The following STAG1 variants were observed in gnomAD, a reference collection of about 807,000 sequenced individuals.
The protein encoded by STAG1 is STAG1 cohesin complex component, also known as cohesin subunit SA-1.
In STAG1, 26 loss-of-function variants were observed where a neutral mutation model predicts 170.9. That is an observed-to-expected ratio of 0.15 (90% confidence interval 0.11 to 0.21). The LOEUF is 0.21. Ranked by LOEUF, STAG1 falls within the 10% of genes least tolerant of loss-of-function variation. The probability of loss-of-function intolerance (pLI) is 1.00; values close to 1 mark genes in which losing one functional copy is unlikely to be tolerated. For synonymous variants in STAG1, 514 were observed against 497.7 expected (o/e 1.03, Z -0.44); for missense variants, 964 against 1,509.5 (o/e 0.64, Z 5.99).
At chr3:136,455,988 G>C (rs902864326) in intron 13 of STAG1, among the ~76,000 whole-genome samples, 4 of 152,016 alleles carry the variant, frequency 2.6e-5, no homozygotes, top group Non-Finnish European at 5.9e-5. Context: ...GCCAGACCAA[G>C]AAAAAAACAA....
chr3:136,607,376 G>A (rs1939009981), intron 3 of STAG1, among the ~76,000 whole-genome samples: 1 of 151,898 alleles, frequency 6.6e-6, no homozygotes, highest in Non-Finnish European at 1.5e-5. Context: ...TTTTATACTT[G>A]GGGTTCTAAT....
At chr3:136,620,262 C>T (rs1208755627) in intron 3 of STAG1, among the ~76,000 whole-genome samples, 2 of 152,076 alleles carry the variant, frequency 1.3e-5, no homozygotes, top group Non-Finnish European at 2.9e-5. Flanking sequence ...AGTATTACTA[C>T]AGCTAAACAA....
chr3:136,564,284 T>C (rs944146915), intron 5 of STAG1, among the ~76,000 whole-genome samples: 4 of 152,224 alleles, frequency 2.6e-5, no homozygotes, highest in African/African-American at 7.2e-5. Context: ...AGATAAGACA[T>C]AAATATAGAT....
intron 29 of STAG1, among the ~76,000 whole-genome samples, chr3:136,348,456 T>C (rs1307242343): frequency 6.6e-6 from 1 of 152,224 alleles, no homozygotes; most frequent in Non-Finnish European, 1.5e-5. Context: ...TCGCCCAGGC[T>C]GGAGTGCAGT....
At chr3:136,530,782 TATAGAA>T (rs1171426196) in intron 6 of STAG1, among the ~76,000 whole-genome samples, 6 of 152,212 alleles carry the variant, frequency 3.9e-5, no homozygotes, top group African/African-American at 1.4e-4. Context: ...GATGAAAGTT[TATAGAA>T]ATAAACACCT....
At chr3:136,498,273 C>CATACA (rs1553733387) in intron 9 of STAG1, among the ~76,000 whole-genome samples, 1 of 44,412 alleles carries the variant, frequency 2.3e-5, no homozygotes, top group Non-Finnish European at 4.6e-5. Flanking sequence ...CACACACACA[C>CATACA]CACACACACA....
intron 25 of STAG1, among the ~76,000 whole-genome samples, chr3:136,363,797 C>T (rs1297255001): frequency 1.3e-5 from 2 of 152,170 alleles, no homozygotes; most frequent in Non-Finnish European, 2.9e-5. Context: ...GGGTCTCACT[C>T]AAGCTGGAGT....
chr3:136,587,977 C>CA (rs1394323856), intron 4 of STAG1, among the ~76,000 whole-genome samples: 1 of 151,842 alleles, frequency 6.6e-6, no homozygotes, highest in Non-Finnish European at 1.5e-5. Context: ...AAAAACAAAA[C>CA]AAAAAAATAG....
intron 13 of STAG1, among the ~76,000 whole-genome samples, chr3:136,462,421 T>C (rs2089299947): frequency 1.3e-5 from 2 of 152,164 alleles, no homozygotes; most frequent in Non-Finnish European, 2.9e-5. Flanking sequence ...TTATGTTAAG[T>C]GAATTAAGCC....
At chr3:136,635,164 C>G (rs1940503530) in intron 1 of STAG1, among the ~76,000 whole-genome samples, 1 of 152,136 alleles carries the variant, frequency 6.6e-6, no homozygotes, top group African/African-American at 2.4e-5. Flanking sequence ...CACAAAAACA[C>G]TACAAGAAAA....
chr3:136,744,135 C>A (rs13097321), intron 1 of STAG1, among the ~76,000 whole-genome samples: 1 of 152,190 alleles, frequency 6.6e-6, no homozygotes, highest in Non-Finnish European at 1.5e-5. Context: ...CTAGACCAGC[C>A]TGACCAACAT....
Position 136,349,223 on chromosome 3 carries a change from C to T in STAG1, c.3206G>A (p.Ser1069Asn). 4.3e-6 allele frequency: 7 copies of T among 1,614,122 alleles called. No homozygotes were observed. Among genetic ancestry groups the T allele is most frequent in the Non-Finnish European group, 5.1e-6 (6 of 1,180,004 alleles). ...ATTCCTTACTGATGAGGTTTTGCTGCTGCTACTTCCACTGTTCACAGACAT... is the reference window on the plus strand; with the variant it reads ...ATTCCTTACTGATGAGGTTTTGCTGTTGCTACTTCCACTGTTCACAGACAT... ...DRMSVNSGSS[S>N]SKTSSVRNKK... Residue 1069 changes from serine to asparagine, a missense_variant, in exon 29 of 34, where the codon AGC becomes AAC. This residue lies in a region of STAG1 where 149 missense variants were observed against 301.3 expected (regional missense o/e 0.49). Coordinates refer to ENST00000383202, the MANE Select transcript of STAG1 (RefSeq NM_005862.3).
chr3:136,468,534 A>G lies in STAG1; in HGVS notation c.1206-3546T>C, dbSNP rs192067054. On this transcript the variant is annotated intron_variant, in intron 12 of 33. Transcript: ENST00000383202. Reference sequence around the variant, plus strand: ...TACTTAATAGCCTACCAACCAAAAAAAGTCCAGGACCAGATGGATTCACAG... The same window carrying G: ...TACTTAATAGCCTACCAACCAAAAAGAGTCCAGGACCAGATGGATTCACAG... 6.8e-4 allele frequency among the ~76,000 whole-genome samples: 104 copies of G among 152,286 alleles called. 1 individual carries two copies. Among genetic ancestry groups the G allele is most frequent in the South Asian group, 4.6e-3 (22 of 4,826 alleles).
chr3:136,610,302 T>G (rs940429152), intron 3 of STAG1, among the ~76,000 whole-genome samples: 1 of 152,206 alleles, frequency 6.6e-6, no homozygotes, highest in Non-Finnish European at 1.5e-5. Context: ...TCCAAAGTGC[T>G]GGGATTACAG....
intron 1 of STAG1, among the ~76,000 whole-genome samples, chr3:136,688,357 T>A (rs1434443862): frequency 6.6e-6 from 1 of 152,026 alleles, no homozygotes; most frequent in Non-Finnish European, 1.5e-5. Flanking sequence ...CTACCAGGAG[T>A]GCACTAAGCA....
At chr3:136,621,476 A>AGAAT (rs1939845564) in intron 3 of STAG1, among the ~76,000 whole-genome samples, 1 of 152,232 alleles carries the variant, frequency 6.6e-6, no homozygotes, top group Admixed American at 6.5e-5. Flanking sequence ...AATGGGAACT[A>AGAAT]GAATAGTCAA....
chr3:136,518,670 TAC>T (rs1934502444), intron 7 of STAG1, among the ~76,000 whole-genome samples: 1 of 152,128 alleles, frequency 6.6e-6, no homozygotes, highest in Admixed American at 6.6e-5. Flanking sequence ...ATTACAGTAA[TAC>T]GTTAAAGTAA....
intron 7 of STAG1, among the ~76,000 whole-genome samples, chr3:136,503,765 C>T (rs752041388): frequency 1.3e-5 from 2 of 151,310 alleles, no homozygotes; most frequent in African/African-American, 4.9e-5. Flanking sequence ...GTTGGAGTTT[C>T]GCTCTTGTTG....
At chr3:136,731,044 G>T (rs566111408) in intron 1 of STAG1, among the ~76,000 whole-genome samples, 2 of 152,180 alleles carry the variant, frequency 1.3e-5, no homozygotes, top group South Asian at 2.1e-4. Context: ...AGAACCACTG[G>T]GCTATATATC....
Sources: gnomAD v4.1 joint callset for allele counts (sites outside exome capture counted in the v4.1 genomes callset) on GRCh38, gnomAD v4.1.1 for gene constraint, gnomAD v4.1.1 regional missense constraint, MANE v1.5 for transcripts, NCBI Gene and HGNC (gene_info 2026-07-23, HGNC 2026-07-21) for gene names.